LRGUK: variants seen among roughly 807,000 people sequenced by gnomAD.
The protein encoded by LRGUK is leucine-rich repeat and guanylate kinase domain-containing protein.
LRGUK carries 65 observed loss-of-function variants against 76.0 expected under a neutral mutation model. That is an observed-to-expected ratio of 0.85 (90% CI 0.70 to 1.05). The LOEUF (loss-of-function observed/expected upper bound fraction) is 1.05, where lower values mean the gene tolerates loss of function less well. LRGUK is among the 50% of genes least tolerant of loss of function. LRGUK has a pLI of 0.00. For missense variants in LRGUK, 758 were observed against 732.8 expected, an observed-to-expected ratio of 1.03 and a Z score of -0.40; for synonymous variants, 268 against 265.6, an observed-to-expected ratio of 1.01 and a Z score of -0.09.
chr7:134,130,876 C>A (rs1585406167), intron 1 of LRGUK, among the ~76,000 whole-genome samples: 1 of 152,198 alleles, frequency 6.6e-6, no homozygotes. Context: ...AATTACTTAA[C>A]CTCTCTCATT....
intron 16 of LRGUK, among the ~76,000 whole-genome samples, chr7:134,232,211 G>A (rs1801917684): frequency 6.6e-6 from 1 of 152,062 alleles, no homozygotes; most frequent in African/African-American, 2.4e-5. Flanking sequence ...TCTTTGAGTA[G>A]AAAATGGGCT....
intron 1 of LRGUK, among the ~76,000 whole-genome samples, chr7:134,131,717 C>G (rs1797314743): frequency 6.6e-6 from 1 of 152,116 alleles, no homozygotes; most frequent in Non-Finnish European, 1.5e-5. Context: ...TGAGAAGATT[C>G]TAGCAAAATC....
chr7:134,188,014 G>A (rs1322877266), intron 11 of LRGUK, among the ~76,000 whole-genome samples: 1 of 152,158 alleles, frequency 6.6e-6, no homozygotes. Flanking sequence ...CTCAGCTAAG[G>A]TGTCTGTTTA....
intron 16 of LRGUK, among the ~76,000 whole-genome samples, chr7:134,232,595 A>G (rs1384196532): frequency 6.6e-6 from 1 of 152,040 alleles, no homozygotes; most frequent in African/African-American, 2.4e-5. Context: ...TCCTATTCCT[A>G]AGGTCACTGG....
rs556189417 is a variant in LRGUK, at chr7:134,248,989, A to G, written c.2111A>G (p.Tyr704Cys). ...GCACCTCTCACCAGTGGTCTACACT[A>G]TTATACAACTTTAGAAGAACTCTGG... The change falls in exon 18 of 20, where the codon TAT (tyrosine) becomes TGT (cysteine). Residue 704 changes from tyrosine (Y) to cysteine (C), a missense_variant. By Grantham distance (194) the Tyr-to-Cys change is radical. Coordinates refer to the LRGUK transcript ENST00000285928. 1.3e-5 allele frequency: 21 copies of G among 1,595,768 alleles called. No individual in the cohort carries two copies. The East Asian group carries it at 3.8e-4, about 29-fold the overall frequency.
intron 7 of LRGUK, among the ~76,000 whole-genome samples, chr7:134,169,294 T>C (rs1364549086): frequency 6.6e-6 from 1 of 151,796 alleles, no homozygotes; most frequent in African/African-American, 2.4e-5. Flanking sequence ...CTGGAGAAGG[T>C]AGGGAAGGGT....
intron 18 of LRGUK, among the ~76,000 whole-genome samples, chr7:134,251,730 C>G (rs1387268732): frequency 1.3e-5 from 2 of 152,100 alleles, no homozygotes; most frequent in Non-Finnish European, 2.9e-5. Flanking sequence ...GGAAGAACAT[C>G]TTTATGCATC....
At chr7:134,208,599 C>A (rs1801102585) in intron 15 of LRGUK, 1 of 397,252 alleles carries the variant, frequency 2.5e-6, no homozygotes, top group Non-Finnish European at 4.4e-6. Flanking sequence ...AATTTTATTC[C>A]TTTCAAGGGC....
exon 20 of LRGUK, chr7:134,263,972 GTAGACT>G (rs775551245): frequency 6.2e-7 from 1 of 1,608,584 alleles, no homozygotes; most frequent in Admixed American, 1.7e-5. Context: ...AGGGCCGCAG[GTAGACT>G]AGCACTTGAT....
intron 3 of LRGUK, among the ~76,000 whole-genome samples, chr7:134,142,561 G>A (rs190647651): frequency 6.6e-5 from 10 of 152,182 alleles, no homozygotes; most frequent in African/African-American, 1.7e-4. Flanking sequence ...TAGTTAATGC[G>A]ATCTAGTGGT....
chr7:134,179,400 T>C (rs1399175078), intron 10 of LRGUK, among the ~76,000 whole-genome samples: 1 of 152,202 alleles, frequency 6.6e-6, no homozygotes, highest in East Asian at 1.9e-4. Flanking sequence ...CTTCTTCATG[T>C]GGTATTTGCT....
At chr7:134,170,080 T>C (rs1244250547) in intron 7 of LRGUK, among the ~76,000 whole-genome samples, 2 of 152,074 alleles carry the variant, frequency 1.3e-5, no homozygotes, top group Non-Finnish European at 2.9e-5. Context: ...CATTATTTTA[T>C]ATAAAAATTT....
chr7:134,267,312 C>G (rs533185137), downstream of LRGUK, among the ~76,000 whole-genome samples: 14 of 152,272 alleles, frequency 9.2e-5, no homozygotes, highest in South Asian at 2.7e-3. Flanking sequence ...TGAAATAACT[C>G]AGAAACAAAA....
chr7:134,258,504 C>T (rs1802641298), intron 19 of LRGUK, 99 bp downstream of exon 19: 1 of 1,161,998 alleles, frequency 8.6e-7, no homozygotes, highest in African/African-American at 1.6e-5. Context: ...TCGAGACCAG[C>T]CTGGCCAAAA....
chr7:134,167,828 G>C (rs755177364), intron 7 of LRGUK, among the ~76,000 whole-genome samples: 1 of 152,028 alleles, frequency 6.6e-6, no homozygotes, highest in Non-Finnish European at 1.5e-5. Flanking sequence ...ATGAAAAAAG[G>C]CCTCTGACCC....
intron 11 of LRGUK, among the ~76,000 whole-genome samples, chr7:134,187,704 A>C (rs1800034511): frequency 6.6e-6 from 1 of 152,184 alleles, no homozygotes; most frequent in African/African-American, 2.4e-5. Context: ...TTTCCAGCTG[A>C]GCACCCCACA....
intron 3 of LRGUK, among the ~76,000 whole-genome samples, chr7:134,142,370 T>G (rs572778299): frequency 6.6e-6 from 1 of 152,316 alleles, no homozygotes; most frequent in East Asian, 1.9e-4. Flanking sequence ...AAACAATAGT[T>G]CATATCTTTT....
At chr7:134,182,680 T>TG (rs1799804196) in intron 10 of LRGUK, among the ~76,000 whole-genome samples, 1 of 152,214 alleles carries the variant, frequency 6.6e-6, no homozygotes, top group Non-Finnish European at 1.5e-5. Context: ...TATATTTTAT[T>TG]CTAGATTGCT....
intron 7 of LRGUK, among the ~76,000 whole-genome samples, chr7:134,172,205 C>A (rs184182593): frequency 1.8e-4 from 28 of 152,284 alleles, no homozygotes; most frequent in African/African-American, 6.5e-4. Flanking sequence ...TACTATAGGA[C>A]TGTACTGTTA....
Sources: allele counts gnomAD v4.1 joint callset (sites outside exome capture counted in the v4.1 genomes callset), GRCh38; gene constraint gnomAD v4.1.1; transcripts MANE v1.5; gene names NCBI Gene and HGNC (gene_info 2026-07-23, HGNC 2026-07-21).